Variants in AUTS2 observed in about 807,000 individuals in gnomAD.
AUTS2 encodes activator of transcription and developmental regulator AUTS2, also known as autism susceptibility gene 2 protein.
AUTS2 carries 17 observed loss-of-function variants against 112.4 expected under a neutral mutation model. The ratio of observed to expected loss-of-function variants is 0.15; its 90% CI spans 0.10 to 0.23. The LOEUF (loss-of-function observed/expected upper bound fraction) is 0.23. AUTS2 is among the 10% of genes least tolerant of loss of function. The pLI is 1.00. For synonymous variants in AUTS2, 751 were observed against 702.7 expected, an observed-to-expected ratio of 1.07 and a Z score of -1.09; for missense variants, 1,510 against 1,701.6, an observed-to-expected ratio of 0.89 and a Z score of 1.98.
At chr7:70,411,869 A>G (rs1794791535) in intron 4 of AUTS2, among the ~76,000 whole-genome samples, 1 of 151,568 alleles carries the variant, frequency 6.6e-6, no homozygotes, top group Non-Finnish European at 1.5e-5. Flanking sequence ...AACGCTGCCA[A>G]GGATTGTTGA....
At chr7:70,651,558 C>T (rs1339598418) in intron 5 of AUTS2, among the ~76,000 whole-genome samples, 1 of 152,192 alleles carries the variant, frequency 6.6e-6, no homozygotes, top group Non-Finnish European at 1.5e-5. Context: ...AATCAACTAA[C>T]ATAAGCCTGT....
intron 2 of AUTS2, among the ~76,000 whole-genome samples, chr7:70,095,280 G>T (rs190214706): frequency 2.6e-5 from 4 of 152,126 alleles, no homozygotes; most frequent in African/African-American, 9.7e-5. Context: ...GTGTGCGTGC[G>T]TGCGCTCACG....
At chr7:70,442,265 G>A (rs912068053) in intron 5 of AUTS2, among the ~76,000 whole-genome samples, 19 of 152,062 alleles carry the variant, frequency 1.2e-4, no homozygotes, top group African/African-American at 4.6e-4. Context: ...ATCTCCAAAC[G>A]GAGGGGATAA....
At chr7:70,087,345 A>G (rs1584700717) in intron 2 of AUTS2, among the ~76,000 whole-genome samples, 2 of 150,474 alleles carry the variant, frequency 1.3e-5, no homozygotes, top group South Asian at 2.1e-4. Flanking sequence ...ATATAGTTGA[A>G]CTTAATTAGC....
intron 2 of AUTS2, among the ~76,000 whole-genome samples, chr7:70,084,586 A>G (rs1051992548): frequency 6.6e-6 from 1 of 152,172 alleles, no homozygotes. Flanking sequence ...ATAGGTATAT[A>G]GTGCTATCTC....
At chr7:70,615,882 T>A (rs1804339873) in intron 5 of AUTS2, among the ~76,000 whole-genome samples, 1 of 152,038 alleles carries the variant, frequency 6.6e-6, no homozygotes, top group Non-Finnish European at 1.5e-5. Context: ...GTAGCTGAGA[T>A]TACAGGTGCT....
chr7:70,484,695 T>C (rs1016064399), intron 5 of AUTS2, among the ~76,000 whole-genome samples: 1 of 152,144 alleles, frequency 6.6e-6, no homozygotes, highest in Non-Finnish European at 1.5e-5. Context: ...AACAGTGAGA[T>C]TGTAGGTTTA....
intron 4 of AUTS2, among the ~76,000 whole-genome samples, chr7:70,318,644 G>A (rs1230201410): frequency 2.0e-5 from 3 of 152,202 alleles, no homozygotes; most frequent in African/African-American, 7.2e-5. Context: ...GTTCTGTCTA[G>A]CAGTGTGGGT....
At chr7:70,672,117 A>G (rs1807674964) in intron 5 of AUTS2, among the ~76,000 whole-genome samples, 1 of 152,168 alleles carries the variant, frequency 6.6e-6, no homozygotes, top group Non-Finnish European at 1.5e-5. Flanking sequence ...TAGATTGTTG[A>G]TTTTTAAAGT....
At chr7:70,352,762 T>TA in intron 4 of AUTS2, among the ~76,000 whole-genome samples, 1 of 152,202 alleles carries the variant, frequency 6.6e-6, no homozygotes, top group South Asian at 2.1e-4. Flanking sequence ...ATGCTTCGTT[T>TA]AAAAAAAGCG....
chr7:70,781,498 G>T lies in AUTS2; in HGVS notation c.2005-117G>T, dbSNP rs559362535. On this transcript the variant is annotated intron_variant, in intron 14 of 18. Coordinates refer to ENST00000342771, the MANE Select transcript of AUTS2 (RefSeq NM_015570.4). ...TTTTGTGTAGCTGCTTTCTCTCACA[G>T]TGTTTGTAAACTTGAACCCAAGTGC... is the stretch of plus-strand genomic sequence containing the variant. 1.2e-4 allele frequency: 155 copies of T among 1,267,574 alleles called. No individual in the cohort carries two copies. The East Asian group carries it at 3.5e-3, about 28-fold the overall frequency. The allele number at this position is 1,267,574 out of a possible 1,614,324, so 78.5% of individuals were successfully genotyped here. A position where few individuals can be genotyped will look rare whatever the true frequency, so the allele number is the denominator to read the frequency against.
chr7:70,585,920 C>T (rs898885384), intron 5 of AUTS2, among the ~76,000 whole-genome samples: 3 of 151,952 alleles, frequency 2.0e-5, no homozygotes, highest in East Asian at 1.9e-4. Context: ...TGGAGTGCAA[C>T]GGCGCGATCT....
chr7:69,841,030 C>T (rs543456494), intron 1 of AUTS2, among the ~76,000 whole-genome samples: 1 of 152,252 alleles, frequency 6.6e-6, no homozygotes, highest in Non-Finnish European at 1.5e-5. Context: ...TGGCGGTCAC[C>T]ACCTTAACAA....
chr7:70,432,351 C>CA (rs1470839392), intron 4 of AUTS2, among the ~76,000 whole-genome samples: 1 of 152,100 alleles, frequency 6.6e-6, no homozygotes, highest in Non-Finnish European at 1.5e-5. Flanking sequence ...GAGGAGCAGA[C>CA]ACTTCTTCTT....
At chr7:69,928,524 C>T (rs1415997124) in intron 2 of AUTS2, among the ~76,000 whole-genome samples, 2 of 152,238 alleles carry the variant, frequency 1.3e-5, no homozygotes, top group African/African-American at 2.4e-5. Context: ...CCTGTGCTTA[C>T]ACCCAATGTC....
At chr7:70,670,493 G>A (rs575287176) in intron 5 of AUTS2, among the ~76,000 whole-genome samples, 141 of 152,284 alleles carry the variant, frequency 9.3e-4, no homozygotes, top group Non-Finnish European at 1.4e-3. Flanking sequence ...AGTTCTTGCC[G>A]TCGAGTTGAG....
chr7:70,009,370 A>AC (rs1799692478), intron 2 of AUTS2, among the ~76,000 whole-genome samples: 1 of 152,170 alleles, frequency 6.6e-6, no homozygotes, highest in Non-Finnish European at 1.5e-5. Context: ...ACATGGTTAA[A>AC]CCATAGTAAG....
intron 1 of AUTS2, among the ~76,000 whole-genome samples, chr7:69,793,011 C>T (rs1789684984): frequency 6.6e-6 from 1 of 152,142 alleles, no homozygotes; most frequent in African/African-American, 2.4e-5. Context: ...GCTGTTCAGT[C>T]CCTTTTCCTA....
intron 2 of AUTS2, among the ~76,000 whole-genome samples, chr7:70,033,847 G>C (rs907207650): frequency 4.6e-5 from 7 of 152,054 alleles, no homozygotes; most frequent in African/African-American, 9.7e-5. Context: ...GAATTGGTAA[G>C]GGATACAAAA....
Sources: gnomAD v4.1 joint callset for allele counts (sites outside exome capture counted in the v4.1 genomes callset) on GRCh38, gnomAD v4.1.1 for gene constraint, MANE v1.5 for transcripts, NCBI Gene and HGNC (gene_info 2026-07-23, HGNC 2026-07-21) for gene names.